The following IFT81 variants were observed in gnomAD, a reference collection of about 807,000 sequenced individuals.
The protein encoded by IFT81 is intraflagellar transport 81.
A neutral mutation model predicts 102.6 loss-of-function variants in IFT81; 72 were observed. The ratio of observed to expected loss-of-function variants is 0.70; its 90% CI spans 0.58 to 0.85. The LOEUF is 0.85. Among genes scored for constraint, IFT81 ranks in the 40% least tolerant of loss-of-function variants. The probability of loss-of-function intolerance (pLI) is 0.00; values close to 1 mark genes in which losing one functional copy is unlikely to be tolerated. For synonymous variants in IFT81, 237 were observed against 242.7 expected (o/e 0.98, Z 0.22); for missense variants, 723 against 787.3 (o/e 0.92, Z 0.98).
chr12:110,172,947 G>GT (rs1896824563), intron 11 of IFT81, among the ~76,000 whole-genome samples: 1 of 142,744 alleles, frequency 7.0e-6, no homozygotes, highest in African/African-American at 2.6e-5. Flanking sequence ...GGAGGTGGGG[G>GT]TCAGCCCCCG....
chr12:110,149,656 G>A (rs570927006), intron 10 of IFT81, among the ~76,000 whole-genome samples: 11 of 152,182 alleles, frequency 7.2e-5, no homozygotes, highest in African/African-American at 2.4e-4. Flanking sequence ...GAGTCAGGCC[G>A]CCGAGTGGCC....
chr12:110,191,802 C>T (rs1003609866), intron 13 of IFT81, among the ~76,000 whole-genome samples: 1 of 152,008 alleles, frequency 6.6e-6, no homozygotes, highest in South Asian at 2.1e-4. Context: ...CTCCAGTTGT[C>T]TTGTCCACAT....
chr12:110,133,966 A>G (rs2137315085), intron 5 of IFT81, among the ~76,000 whole-genome samples: 1 of 152,356 alleles, frequency 6.6e-6, no homozygotes, highest in East Asian at 1.9e-4. Context: ...ATCATCAGAT[A>G]TAAAATTACT....
intron 18 of IFT81, among the ~76,000 whole-genome samples, chr12:110,212,407 T>A (rs1869572830): frequency 6.6e-6 from 1 of 151,084 alleles, no homozygotes; most frequent in African/African-American, 2.4e-5. Flanking sequence ...TAGCCAGGCG[T>A]GGTGGCATGT....
chr12:110,216,519 A>AT (rs747093612), intron 18 of IFT81: 34,767 of 259,508 alleles, frequency 0.13, no homozygotes, highest in South Asian at 0.21. Context: ...ATTCACCTTA[A>AT]TTTTTTTTTT....
chr12:110,191,893 A>T (rs1848949721), intron 13 of IFT81, among the ~76,000 whole-genome samples: 1 of 151,994 alleles, frequency 6.6e-6, no homozygotes, highest in Admixed American at 6.6e-5. Flanking sequence ...TGTTCAGGCC[A>T]GGCACGGTGG....
intron 3 of IFT81, among the ~76,000 whole-genome samples, chr12:110,128,515 C>T (rs1893973864): frequency 6.6e-6 from 1 of 151,600 alleles, no homozygotes; most frequent in Admixed American, 6.6e-5. Flanking sequence ...TGGGGCCAGG[C>T]ATGGTAGCTC....
At chr12:110,212,226 G>A (rs73415336) in intron 18 of IFT81, among the ~76,000 whole-genome samples, 7,734 of 146,086 alleles carry the variant, frequency 0.053, 675 homozygotes, top group African/African-American at 0.19. Flanking sequence ...AAATAAAGGT[G>A]ATATGTTCCT....
intron 13 of IFT81, among the ~76,000 whole-genome samples, chr12:110,191,646 ATTG>A (rs1897801678): frequency 6.6e-6 from 1 of 152,078 alleles, no homozygotes; most frequent in Non-Finnish European, 1.5e-5. Flanking sequence ...GAATTATTTC[ATTG>A]TTGTGTATGT....
intron 11 of IFT81, among the ~76,000 whole-genome samples, chr12:110,164,707 A>G (rs929904827): frequency 1.3e-5 from 2 of 152,174 alleles, no homozygotes; most frequent in Non-Finnish European, 2.9e-5. Context: ...TCAACATGTG[A>G]TTGAAAAATT....
intron 11 of IFT81, among the ~76,000 whole-genome samples, chr12:110,171,638 C>T (rs1896734769): frequency 6.6e-6 from 1 of 152,178 alleles, no homozygotes; most frequent in Non-Finnish European, 1.5e-5. Flanking sequence ...TTATGTGGGA[C>T]TAGTTATGAT....
intron 10 of IFT81, among the ~76,000 whole-genome samples, chr12:110,158,185 C>G (rs947216364): frequency 6.6e-6 from 1 of 152,074 alleles, no homozygotes; most frequent in South Asian, 2.1e-4. Context: ...ATTCTCCTGC[C>G]TCAGCCTCCT....
At chr12:110,187,852 G>A (rs1461614114) in intron 12 of IFT81, among the ~76,000 whole-genome samples, 1 of 152,050 alleles carries the variant, frequency 6.6e-6, no homozygotes, top group Non-Finnish European at 1.5e-5. Context: ...TTTAGGAAGT[G>A]GTCCTTACTC....
At chr12:110,185,539 C>A (rs966424760) in intron 12 of IFT81, among the ~76,000 whole-genome samples, 1 of 151,928 alleles carries the variant, frequency 6.6e-6, no homozygotes, top group African/African-American at 2.4e-5. Flanking sequence ...ATGCAAGAAC[C>A]TAAAACACTT....
intron 8 of IFT81, among the ~76,000 whole-genome samples, chr12:110,139,344 A>G (rs1205747601): frequency 6.7e-6 from 1 of 149,376 alleles, no homozygotes; most frequent in African/African-American, 2.5e-5. Context: ...CTCAAAAAAA[A>G]AAAAAAAAAA....
intron 13 of IFT81, among the ~76,000 whole-genome samples, 160 bp from the exon 14 acceptor site, chr12:110,192,457 G>A (rs1033713617): frequency 6.6e-6 from 1 of 152,148 alleles, no homozygotes; most frequent in African/African-American, 2.4e-5. Flanking sequence ...TCTTGCTGAG[G>A]AATCAGGATT....
At chr12:110,134,458 G>A (rs1374985261) in intron 5 of IFT81, among the ~76,000 whole-genome samples, 1 of 152,118 alleles carries the variant, frequency 6.6e-6, no homozygotes, top group East Asian at 1.9e-4. Context: ...TTTATTTTCA[G>A]AGACGGAATT....
chr12:110,216,909 TGA>T, intron 18 of IFT81: 2 of 196,950 alleles, frequency 1.0e-5, no homozygotes, highest in Non-Finnish European at 2.1e-5. Context: ...GTTGGTTTCT[TGA>T]GAAATTTTTA....
intron 11 of IFT81, among the ~76,000 whole-genome samples, chr12:110,174,277 CAAAAAAAAAAAA>C (rs61353726): frequency 3.4e-4 from 12 of 35,280 alleles, no homozygotes; most frequent in South Asian, 1.6e-3. Flanking sequence ...GACTCCGTCT[CAAAAAAAAAAAA>C]AAAAAAAAAA....
Sources: allele counts gnomAD v4.1 joint callset (sites outside exome capture counted in the v4.1 genomes callset), GRCh38; gene constraint gnomAD v4.1.1; transcripts MANE v1.5; gene names NCBI Gene and HGNC (gene_info 2026-07-23, HGNC 2026-07-21).